The following ASPA variants were observed in gnomAD, a reference collection of about 807,000 sequenced individuals.
The protein encoded by ASPA is ACY-2.
In ASPA, 25 loss-of-function variants were observed where a neutral mutation model predicts 29.6. The ratio of observed to expected loss-of-function variants is 0.85; its 90% confidence interval spans 0.62 to 1.18. The LOEUF (loss-of-function observed/expected upper bound fraction) is 1.18, where lower values mean the gene tolerates loss of function less well. ASPA is among the 50% of genes most tolerant of loss of function. The pLI is 0.00. For missense variants in ASPA, 333 were observed against 385.7 expected (o/e 0.86, Z 1.14); for synonymous variants, 131 against 130.3 (o/e 1.01, Z -0.04).
intron 4 of ASPA, among the ~76,000 whole-genome samples, chr17:3,492,921 G>C (rs1454097537): frequency 6.6e-6 from 1 of 152,160 alleles, no homozygotes; most frequent in African/African-American, 2.4e-5. Flanking sequence ...ACTAAATTAG[G>C]AGGTGGTTGT....
At chr17:3,496,842 G>A (rs1246274781) in intron 5 of ASPA, among the ~76,000 whole-genome samples, 2 of 152,048 alleles carry the variant, frequency 1.3e-5, no homozygotes, top group Non-Finnish European at 2.9e-5. Flanking sequence ...CGAGGCGGGC[G>A]GATCACGCGG....
chr17:3,483,121 A>G (rs1444392483), intron 2 of ASPA, among the ~76,000 whole-genome samples: 1 of 152,092 alleles, frequency 6.6e-6, no homozygotes, highest in Admixed American at 6.5e-5. Flanking sequence ...GGACCACAGG[A>G]ATAGAAACAG....
In ASPA at chr17:3,490,099, C is replaced by T. The variant is rs2073798713; in HGVS notation, c.634+757C>T. The stretch of plus-strand genomic sequence containing the variant: ...ATAATAATCATCACCTTCTAGGATA[C>T]ATATATATGTTAACACATCACAGGG... On this transcript the variant is annotated intron_variant, in intron 4 of 5. Coordinates refer to ENST00000263080, the MANE Select transcript of ASPA (RefSeq NM_000049.4). The surrounding 1 kb of genome is among the most constrained non-coding windows in gnomAD (Gnocchi z 4.6). Among the ~76,000 whole-genome samples the T allele has an allele frequency of 6.6e-6, 1 of 152,130 alleles. No homozygotes were observed. The highest frequency in any genetic ancestry group is 1.5e-5 in the Non-Finnish European group (1 of 68,014).
chr17:3,489,325 T>C lies in ASPA; in HGVS notation c.617T>C (p.Ile206Thr), dbSNP rs752538129. ...ATGATTAAACATGCTCTTGATTTTA[T>C]ACATCATTTCAATGAAGGTAAGTAA... ...RKMIKHALDFIHHFNEGKEFP... is the reference protein window; with the variant it reads ...RKMIKHALDFTHHFNEGKEFP... Residue 206 changes from isoleucine to threonine, a missense_variant, in exon 4 of 6, where the codon ATA (isoleucine) becomes ACA (threonine). Physicochemically the swap from Ile to Thr is moderately conservative, Grantham distance 89 (BLOSUM62 -1). Transcript: ENST00000263080. The C allele has an allele frequency of 6.2e-7, 1 of 1,608,470 alleles. No homozygotes were observed. The highest frequency in any genetic ancestry group is 8.5e-7 in the Non-Finnish European group (1 of 1,175,144).
chr17:3,483,681 G>T, intron 3 of ASPA, 89 bp downstream of exon 3: 1 of 1,310,384 alleles, frequency 7.6e-7, no homozygotes, highest in African/African-American at 1.5e-5. Context: ...TTTTATTTTT[G>T]AGACAGAGTC....
rs2073801220 is a variant in ASPA at position 3,490,248 on chromosome 17, A to T, written c.634+906A>T. Among the ~76,000 whole-genome samples, 1 of 152,194 alleles carries T rather than the reference A, an allele frequency of 6.6e-6. No individual in the cohort carries two copies. The highest frequency in any genetic ancestry group is 1.5e-5 in the Non-Finnish European group (1 of 68,020). On this transcript the variant is annotated intron_variant, in intron 4 of 5. Coordinates refer to ENST00000263080, the MANE Select transcript of ASPA (RefSeq NM_000049.4). The surrounding 1 kb of genome is among the most constrained non-coding windows in gnomAD (Gnocchi z 4.6). The stretch of plus-strand genomic sequence containing the variant: ...TAATGTATTTATGTATTATTTCTGT[A>T]ATTAAAAATTAATTAAACGGGGACT...
chr17:3,492,522 A>G (rs1171715842), intron 4 of ASPA, among the ~76,000 whole-genome samples: 1 of 152,092 alleles, frequency 6.6e-6, no homozygotes, highest in East Asian at 1.9e-4. Context: ...TTCTGTTCAG[A>G]GATAGAGTCT....
Position 3,488,279 on chromosome 17 carries a change from T to C in ASPA, c.527-956T>C, listed in dbSNP as rs2073762217. On this transcript the variant is annotated intron_variant, in intron 3 of 5. Transcript: ENST00000263080. This position sits in a 1 kb window ranked among gnomAD's most constrained non-coding sequence, Gnocchi z 6.1. ...TTTTGTAGATGTAAGGATGGATGCTTAACAGCCACACAAAGTAGACCTAAT... is the reference window on the plus strand; with the variant it reads ...TTTTGTAGATGTAAGGATGGATGCTCAACAGCCACACAAAGTAGACCTAAT... Among the ~76,000 whole-genome samples the C allele has an allele frequency of 6.6e-6, 1 of 152,126 alleles. No homozygotes were observed. The highest frequency in any genetic ancestry group is 6.6e-5 in the Admixed American group (1 of 15,260).
intron 3 of ASPA, among the ~76,000 whole-genome samples, chr17:3,484,606 T>C (rs2073688096): frequency 6.6e-6 from 1 of 152,242 alleles, no homozygotes; most frequent in African/African-American, 2.4e-5. Flanking sequence ...AGGCCATTGC[T>C]GATTTCCAAT....
At chr17:3,494,277 GA>G in intron 4 of ASPA, 72 bp from the exon 5 acceptor site, 1 of 1,169,554 alleles carries the variant, frequency 8.6e-7, no homozygotes, top group South Asian at 1.2e-5. Context: ...GTGCTGGGAT[GA>G]CAGGCATGAG....
intron 1 of ASPA, among the ~76,000 whole-genome samples, chr17:3,478,389 C>A (rs1238242173): frequency 6.6e-6 from 1 of 152,138 alleles, no homozygotes; most frequent in Admixed American, 6.5e-5. Flanking sequence ...ATACTGCAGT[C>A]ATCCTGTTTG....
At chr17:3,475,990 G>T, upstream of ASPA, 1 of 642,622 alleles carries the variant, frequency 1.6e-6, no homozygotes, top group Non-Finnish European at 2.7e-6. Flanking sequence ...GTCCATAAAC[G>T]GGGCTCAGAA....
intron 4 of ASPA, among the ~76,000 whole-genome samples, chr17:3,492,875 C>A (rs373590332): frequency 6.6e-6 from 1 of 151,972 alleles, no homozygotes; most frequent in Admixed American, 6.6e-5. Context: ...CCAGTGTAGA[C>A]GGAAGAAACT....
intron 1 of ASPA, among the ~76,000 whole-genome samples, chr17:3,476,934 T>A (rs758585365): frequency 6.6e-6 from 1 of 152,192 alleles, no homozygotes; most frequent in Non-Finnish European, 1.5e-5. Context: ...GGCAGGCGGA[T>A]CACGAGGTCA....
In ASPA at chr17:3,489,254, G is replaced by C; in HGVS notation, c.546G>C (p.Gln182His). The C allele has an allele frequency of 6.2e-7, 1 of 1,612,528 alleles. No homozygotes were observed. Among genetic ancestry groups the C allele is most frequent in the East Asian group, 2.2e-5 (1 of 44,820 alleles). The change falls in exon 4 of 6, where the codon CAG becomes CAC. Residue 182 changes from glutamine (Q) to histidine (H), a missense_variant. By Grantham distance (24) the Gln-to-His change is conservative. Transcript: ENST00000263080. ...KYPVGIEVGP[Q>H]PQGVLRADIL... ...ACCTAGGTATAGAAGTTGGTCCTCA[G>C]CCTCAAGGGGTTCTGAGAGCTGATA...
intron 5 of ASPA, 40 bp downstream of exon 5, chr17:3,494,499 T>A (rs756486714): frequency 1.2e-5 from 18 of 1,500,912 alleles, no homozygotes; most frequent in Non-Finnish European, 1.5e-5. Context: ...AAAATAATAA[T>A]GCTGTACCTT....
chr17:3,474,669 A>C (rs2073495873), upstream of ASPA, among the ~76,000 whole-genome samples: 1 of 152,200 alleles, frequency 6.6e-6, no homozygotes, highest in African/African-American at 2.4e-5. Context: ...TAAGCTCTTA[A>C]AGGAAGAACA....
chr17:3,496,862 C>T (rs190295122), intron 5 of ASPA, among the ~76,000 whole-genome samples: 155 of 152,110 alleles, frequency 1.0e-3, no homozygotes, highest in Non-Finnish European at 1.6e-3. Context: ...GTCAGGAGAT[C>T]GAGACCATCC....
In ASPA at chr17:3,490,041, A is replaced by G. The variant is rs1450217602; in HGVS notation, c.634+699A>G. 6.6e-6 allele frequency among the ~76,000 whole-genome samples: 1 copy of G among 152,202 alleles called. No individual in the cohort carries two copies. Among genetic ancestry groups the G allele is most frequent in the Non-Finnish European group, 1.5e-5 (1 of 68,028 alleles). On this transcript the variant is annotated intron_variant, in intron 4 of 5. Transcript: ENST00000263080. This position sits in a 1 kb window ranked among gnomAD's most constrained non-coding sequence, Gnocchi z 4.6. ...AGCAGAAAGCAAGTTGCAGACCAAG[A>G]CATTCAGTACACCAATTGGCTTTAA...
Sources: gnomAD v4.1 joint callset for allele counts (sites outside exome capture counted in the v4.1 genomes callset) on GRCh38, gnomAD v4.1.1 for gene constraint, Gnocchi (gnomAD v3.1) non-coding constraint, MANE v1.5 for transcripts, NCBI Gene and HGNC (gene_info 2026-07-23, HGNC 2026-07-21) for gene names.